Variants in CHRM3 observed in about 807,000 individuals in gnomAD.
CHRM3 encodes muscarinic acetylcholine receptor M3.
Under a neutral mutation model 41.8 loss-of-function variants are expected in CHRM3, and 11 were observed. That is an observed-to-expected ratio of 0.26 (90% CI 0.17 to 0.44). The LOEUF (loss-of-function observed/expected upper bound fraction) is 0.44, where lower values mean the gene tolerates loss of function less well. Among genes scored for constraint, CHRM3 ranks in the 20% least tolerant of loss-of-function variants. CHRM3 has a pLI of 1.00. For synonymous variants in CHRM3, 297 were observed against 301.4 expected (o/e 0.99, Z 0.15); for missense variants, 571 against 745.4 (o/e 0.77, Z 2.72).
At chr1:239,447,701 G>A (rs769154203) in intron 1 of CHRM3, among the ~76,000 whole-genome samples, 4 of 152,212 alleles carry the variant, frequency 2.6e-5, no homozygotes, top group Middle Eastern at 3.4e-3. Context: ...ACTAGAACCC[G>A]GGAGGCAGAA....
intron 5 of CHRM3, among the ~76,000 whole-genome samples, chr1:239,803,311 A>G (rs1386346717): frequency 6.6e-6 from 1 of 152,194 alleles, no homozygotes; most frequent in African/African-American, 2.4e-5. Flanking sequence ...CACTTTCCTT[A>G]GAGCACATTC....
intron 3 of CHRM3, among the ~76,000 whole-genome samples, chr1:239,615,950 C>T (rs1667581458): frequency 3.3e-5 from 5 of 152,196 alleles, no homozygotes; most frequent in Admixed American, 3.3e-4. Context: ...CTTCCTTCTA[C>T]TTCTTCCTCT....
At chr1:239,392,979 G>A (rs756211807) in intron 1 of CHRM3, among the ~76,000 whole-genome samples, 3 of 152,092 alleles carry the variant, frequency 2.0e-5, no homozygotes, top group Non-Finnish European at 4.4e-5. Context: ...CTAATCCAGT[G>A]GTATTTTGTA....
At chr1:239,810,514 G>C (rs1426214269) in intron 5 of CHRM3, among the ~76,000 whole-genome samples, 1 of 152,206 alleles carries the variant, frequency 6.6e-6, no homozygotes, top group Non-Finnish European at 1.5e-5. Flanking sequence ...GGAGGACTGA[G>C]AAGGGGGAGG....
intron 3 of CHRM3, among the ~76,000 whole-genome samples, chr1:239,581,807 G>C (rs958201987): frequency 1.3e-5 from 2 of 152,152 alleles, no homozygotes; most frequent in African/African-American, 2.4e-5. Context: ...TTGAACCTAA[G>C]CTGCCTGAGT....
intron 1 of CHRM3, among the ~76,000 whole-genome samples, chr1:239,436,344 T>G (rs1446056620): frequency 6.6e-6 from 1 of 152,146 alleles, no homozygotes; most frequent in Non-Finnish European, 1.5e-5. Flanking sequence ...CCGTTGGTCC[T>G]GAGTGTCGCA....
At chr1:239,836,384 T>A (rs1340177064) in intron 6 of CHRM3, among the ~76,000 whole-genome samples, 2 of 151,956 alleles carry the variant, frequency 1.3e-5, no homozygotes, top group African/African-American at 4.9e-5. Flanking sequence ...TTTTCTGTTT[T>A]TGTTTTTTTT....
At chr1:239,550,195 G>A (rs537281160) in intron 3 of CHRM3, among the ~76,000 whole-genome samples, 9 of 152,224 alleles carry the variant, frequency 5.9e-5, no homozygotes, top group African/African-American at 1.9e-4. Flanking sequence ...TGTACTGTCC[G>A]TTAATCAAAC....
At chr1:239,794,914 G>A (rs1669647995) in intron 5 of CHRM3, among the ~76,000 whole-genome samples, 1 of 152,044 alleles carries the variant, frequency 6.6e-6, no homozygotes, top group Non-Finnish European at 1.5e-5. Flanking sequence ...ACAGTATTTA[G>A]TTTGATATCG....
At chr1:239,774,252 G>T (rs1667916451) in intron 5 of CHRM3, among the ~76,000 whole-genome samples, 1 of 152,070 alleles carries the variant, frequency 6.6e-6, no homozygotes, top group Non-Finnish European at 1.5e-5. Flanking sequence ...CCATTCCACT[G>T]GTGTCACTGC....
chr1:239,534,516 C>A (rs1049562123), intron 2 of CHRM3, among the ~76,000 whole-genome samples: 1 of 152,138 alleles, frequency 6.6e-6, no homozygotes, highest in African/African-American at 2.4e-5. Flanking sequence ...CCAAAGTTAG[C>A]CACATCTTAC....
At chr1:239,583,152 C>T (rs72756786) in intron 3 of CHRM3, among the ~76,000 whole-genome samples, 4,670 of 152,236 alleles carry the variant, frequency 0.031, 89 homozygotes, top group Middle Eastern at 0.061. Flanking sequence ...CTTGAAAGAG[C>T]GAAATTCTGT....
At chr1:239,829,415 T>TG (rs397818977) in intron 6 of CHRM3, among the ~76,000 whole-genome samples, 3 of 151,668 alleles carry the variant, frequency 2.0e-5, no homozygotes, top group South Asian at 4.2e-4. Flanking sequence ...TTTTTTTTTT[T>TG]GAAAAAGAAA....
At chr1:239,860,776 C>A (rs570539818) in intron 6 of CHRM3, among the ~76,000 whole-genome samples, 1 of 152,256 alleles carries the variant, frequency 6.6e-6, no homozygotes, top group African/African-American at 2.4e-5. Flanking sequence ...GGATGCTCAA[C>A]CTGTAGCAAG....
At chr1:239,654,350 G>T (rs1274508341) in intron 4 of CHRM3, among the ~76,000 whole-genome samples, 1 of 152,118 alleles carries the variant, frequency 6.6e-6, no homozygotes, top group South Asian at 2.1e-4. Flanking sequence ...CAATTTTGAG[G>T]GACCTTGACG....
chr1:239,504,424 G>A lies in CHRM3; in HGVS notation c.-422+11617G>A, dbSNP rs190087639. ...AAAAATCAAAAAACAGTAGATGTTG[G>A]CATGGATGTGGTGAACAGGGAACAC... On this transcript the variant is annotated intron_variant, in intron 2 of 6. Coordinates refer to ENST00000676153, the MANE Select transcript of CHRM3 (RefSeq NM_001375978.1). Among the ~76,000 whole-genome samples, 39 of 152,214 alleles carry A rather than the reference G, an allele frequency of 2.6e-4. 1 individual carries two copies. The highest frequency in any genetic ancestry group is 9.2e-4 in the African/African-American group (38 of 41,526).
At chr1:239,667,511 C>T (rs1459557097) in intron 4 of CHRM3, among the ~76,000 whole-genome samples, 1 of 152,170 alleles carries the variant, frequency 6.6e-6, no homozygotes, top group Non-Finnish European at 1.5e-5. Context: ...TCAACACTCT[C>T]AGCTGTGGAC....
intron 5 of CHRM3, among the ~76,000 whole-genome samples, chr1:239,780,717 A>G (rs4266870): frequency 0.14 from 21,117 of 152,014 alleles, 1,745 homozygotes; most frequent in East Asian, 0.4. Flanking sequence ...CTCCTTCGTT[A>G]CGTTCTAGAA....
chr1:239,496,410 A>T (rs1313060439), intron 2 of CHRM3, among the ~76,000 whole-genome samples: 1 of 152,024 alleles, frequency 6.6e-6, no homozygotes. Context: ...TATCTTGCAG[A>T]TTATTTTAAA....
Sources: gnomAD v4.1 joint callset for allele counts (sites outside exome capture counted in the v4.1 genomes callset) on GRCh38, gnomAD v4.1.1 for gene constraint, MANE v1.5 for transcripts, NCBI Gene and HGNC (gene_info 2026-07-23, HGNC 2026-07-21) for gene names.